Variants in ARHGAP42 observed in about 807,000 individuals in gnomAD.
ARHGAP42 encodes the protein rho GTPase-activating protein 42.
A neutral mutation model predicts 125.0 loss-of-function variants in ARHGAP42; 63 were observed. The ratio of observed to expected loss-of-function variants is 0.50; its 90% CI spans 0.41 to 0.62. The LOEUF (loss-of-function observed/expected upper bound fraction) is 0.62. ARHGAP42 is among the 20% of genes least tolerant of loss of function. The pLI is 0.00. For missense variants in ARHGAP42, 766 were observed against 1,024.2 expected (o/e 0.75, Z 3.44); for synonymous variants, 339 against 351.0 (o/e 0.97, Z 0.38).
At chr11:100,781,100 A>T (rs1399422365) in intron 2 of ARHGAP42, among the ~76,000 whole-genome samples, 1 of 152,148 alleles carries the variant, frequency 6.6e-6, no homozygotes, top group Non-Finnish European at 1.5e-5. Context: ...AACTTATGTT[A>T]AATATACTGT....
At chr11:100,960,501 GAGA>G (rs1247191943) in intron 13 of ARHGAP42, among the ~76,000 whole-genome samples, 1 of 152,086 alleles carries the variant, frequency 6.6e-6, no homozygotes, top group Non-Finnish European at 1.5e-5. Flanking sequence ...TCAACATTCT[GAGA>G]AGTAGTTTCC....
At chr11:100,744,796 C>T (rs557210365) in intron 1 of ARHGAP42, among the ~76,000 whole-genome samples, 2 of 152,158 alleles carry the variant, frequency 1.3e-5, no homozygotes, top group East Asian at 3.9e-4. Context: ...AATAAAGTTT[C>T]GGTGCCGCAA....
chr11:100,830,475 G>A (rs1418699344), intron 3 of ARHGAP42, among the ~76,000 whole-genome samples: 1 of 152,120 alleles, frequency 6.6e-6, no homozygotes, highest in African/African-American at 2.4e-5. Flanking sequence ...AGACTGTGGA[G>A]CCGCAGCGTC....
intron 1 of ARHGAP42, among the ~76,000 whole-genome samples, chr11:100,723,394 G>C (rs1861799773): frequency 6.6e-6 from 1 of 152,132 alleles, no homozygotes; most frequent in South Asian, 2.1e-4. Flanking sequence ...ACAACATTAA[G>C]TCTTCCTATC....
chr11:100,751,058 C>A (rs1862439346), intron 1 of ARHGAP42, among the ~76,000 whole-genome samples: 1 of 151,712 alleles, frequency 6.6e-6, no homozygotes, highest in South Asian at 2.1e-4. Flanking sequence ...CCTGCCTCAG[C>A]CTCCTAAGTA....
At chr11:100,762,933 A>T (rs11224435) in intron 1 of ARHGAP42, among the ~76,000 whole-genome samples, 1 of 143,742 alleles carries the variant, frequency 7.0e-6, no homozygotes, top group Non-Finnish European at 1.5e-5. Context: ...ATTTGTGTGC[A>T]TTTTTAGTAC....
intron 15 of ARHGAP42, 48 bp from the exon 16 acceptor site, chr11:100,962,361 A>G: frequency 6.9e-7 from 1 of 1,452,102 alleles, no homozygotes; most frequent in South Asian, 1.2e-5. Context: ...TTTAGGGGAG[A>G]ATAAAAGATT....
intron 3 of ARHGAP42, among the ~76,000 whole-genome samples, chr11:100,803,785 A>AT (rs540888223): frequency 1.5e-4 from 23 of 152,016 alleles, no homozygotes; most frequent in African/African-American, 4.3e-4. Context: ...AGCAATGTAG[A>AT]TTTTTTTTCT....
Position 100,770,448 on chromosome 11 carries a change from A to G in ARHGAP42, c.250+10A>G, listed in dbSNP as rs1347318613. ...GATGAAATTAGTATTGGTAAGTACT[A>G]CTGTTTTAGAAAGTTCTATTACTAA... On this transcript the variant is annotated intron_variant, in intron 2 of 23. Transcript: ENST00000298815. 2 of 1,518,046 alleles carry G rather than the reference A, an allele frequency of 1.3e-6. No homozygotes were observed. Among genetic ancestry groups the G allele is most frequent in the Admixed American group, 2.0e-5 (1 of 49,666 alleles). 94.0% of individuals were successfully genotyped at this position (1,518,046 alleles called of 1,614,324 possible).
At chr11:100,798,540 A>G (rs1409388690) in intron 3 of ARHGAP42, among the ~76,000 whole-genome samples, 1 of 152,232 alleles carries the variant, frequency 6.6e-6, no homozygotes, top group Non-Finnish European at 1.5e-5. Flanking sequence ...AAATTAAGGT[A>G]TGTACACCAT....
At chr11:100,815,089 A>C (rs897732324) in intron 3 of ARHGAP42, among the ~76,000 whole-genome samples, 11 of 152,222 alleles carry the variant, frequency 7.2e-5, no homozygotes, top group African/African-American at 2.7e-4. Flanking sequence ...ATCTGTGACC[A>C]TATACATGTT....
chr11:100,948,554 C>A lies in ARHGAP42; in HGVS notation c.1122+19C>A. 12 of 1,529,844 alleles carry A rather than the reference C, an allele frequency of 7.8e-6. No homozygotes were observed. The highest frequency in any genetic ancestry group is 1.1e-5 in the Non-Finnish European group (12 of 1,133,646). 94.8% of individuals were successfully genotyped at this position (1,529,844 alleles called of 1,614,324 possible). ...GGAACCGGTAAGACTATGACACATT[C>A]TATAATTTAGGTTTTATTGTCCTAA... On this transcript the variant is annotated intron_variant, in intron 11 of 23. Transcript: ENST00000298815.
chr11:100,822,211 T>G (rs960980061), intron 3 of ARHGAP42, among the ~76,000 whole-genome samples: 1 of 152,294 alleles, frequency 6.6e-6, no homozygotes, highest in Admixed American at 6.5e-5. Context: ...TGGAATTTTC[T>G]CAAAGCATAA....
chr11:100,732,695 G>A (rs1413768972), intron 1 of ARHGAP42, among the ~76,000 whole-genome samples: 3 of 152,166 alleles, frequency 2.0e-5, no homozygotes, highest in African/African-American at 7.2e-5. Flanking sequence ...CCAAGAGGCT[G>A]TAGATGTAGA....
intron 13 of ARHGAP42, 57 bp from the exon 14 acceptor site, chr11:100,960,858 T>G: frequency 1.7e-6 from 2 of 1,197,052 alleles, no homozygotes; most frequent in South Asian, 1.7e-5. Flanking sequence ...TTTTTAACAT[T>G]CTGTACTTGC....
At chr11:100,825,331 G>T (rs1288263242) in intron 3 of ARHGAP42, among the ~76,000 whole-genome samples, 2 of 152,040 alleles carry the variant, frequency 1.3e-5, no homozygotes, top group Non-Finnish European at 2.9e-5. Flanking sequence ...TGAGAAGAGG[G>T]CATACCGATT....
chr11:100,744,014 A>G (rs1351023678), intron 1 of ARHGAP42, among the ~76,000 whole-genome samples: 3 of 152,208 alleles, frequency 2.0e-5, no homozygotes, highest in African/African-American at 7.2e-5. Context: ...TCTGCTGCCC[A>G]GGCTGGAGTG....
At chr11:100,957,062 C>A (rs1301300002) in intron 12 of ARHGAP42, among the ~76,000 whole-genome samples, 1 of 152,104 alleles carries the variant, frequency 6.6e-6, no homozygotes, top group Non-Finnish European at 1.5e-5. Context: ...ATACACTATT[C>A]TAGGAGCTTT....
chr11:100,741,525 C>T (rs566289107), intron 1 of ARHGAP42, among the ~76,000 whole-genome samples: 1 of 152,348 alleles, frequency 6.6e-6, no homozygotes, highest in South Asian at 2.1e-4. Flanking sequence ...CCTGCCTTGC[C>T]TCTGCAGCCT....
Sources: allele counts gnomAD v4.1 joint callset (sites outside exome capture counted in the v4.1 genomes callset), GRCh38; gene constraint gnomAD v4.1.1; transcripts MANE v1.5; gene names NCBI Gene and HGNC (gene_info 2026-07-23, HGNC 2026-07-21).